LYRM4: variants seen among roughly 807,000 people sequenced by gnomAD.
The protein encoded by LYRM4 is LYR motif-containing protein 4.
In LYRM4, 9 loss-of-function variants were observed where a neutral mutation model predicts 11.7. The ratio of observed to expected loss-of-function variants is 0.77; its 90% confidence interval spans 0.46 to 1.34. LYRM4 has a LOEUF of 1.34. Ranked by LOEUF, LYRM4 falls within the 40% of genes most tolerant of loss-of-function variation. LYRM4 has a pLI of 0.00. For synonymous variants in LYRM4, 42 were observed against 40.4 expected (o/e 1.04, Z -0.15); for missense variants, 133 against 112.5 (o/e 1.18, Z -0.82).
intron 2 of LYRM4, among the ~76,000 whole-genome samples, chr6:5,155,350 G>T (rs1758351496): frequency 6.6e-6 from 1 of 152,146 alleles, no homozygotes; most frequent in African/African-American, 2.4e-5. Flanking sequence ...CATTGTGGTG[G>T]GATTACAGGT....
intron 2 of LYRM4, among the ~76,000 whole-genome samples, chr6:5,155,321 T>G (rs761239056): frequency 6.6e-6 from 1 of 152,188 alleles, no homozygotes; most frequent in Non-Finnish European, 1.5e-5. Flanking sequence ...CCTCAAGTGA[T>G]CTGCCTGCCT....
intron 1 of LYRM4, 139 bp downstream of exon 1, chr6:5,260,509 G>C: frequency 8.5e-7 from 1 of 1,180,732 alleles, no homozygotes; most frequent in Non-Finnish European, 1.2e-6. Context: ...GCTTTTCGAT[G>C]GCGGAGCCCG....
At position 5,165,170 on chromosome 6, in the gene LYRM4, A is replaced by C. The variant is rs59129525; in HGVS notation, c.207+51448T>G. ...TACTAGTTGAGAAAATGGAGAAATA[A>C]AAGTTACACCATATTCCCAGTTTCA... On this transcript the variant is annotated intron_variant, in intron 2 of 2. Transcript: ENST00000330636. Among the ~76,000 whole-genome samples, 274 of 152,330 alleles carry C rather than the reference A, an allele frequency of 1.8e-3. 6 individuals are homozygous for C. The highest frequency in any genetic ancestry group is 6.4e-3 in the African/African-American group (265 of 41,564).
the LYRM4 span, among the ~76,000 whole-genome samples, chr6:5,096,355 T>C: frequency 6.6e-6 from 1 of 152,112 alleles, no homozygotes; most frequent in Admixed American, 6.6e-5. Flanking sequence ...CTGGTTGTAG[T>C]GGCGCACACC....
intron 1 of LYRM4, among the ~76,000 whole-genome samples, chr6:5,245,114 ATATATATATATATATAT>A (rs1191194976): frequency 1.0e-3 from 12 of 12,034 alleles, no homozygotes; most frequent in African/African-American, 1.8e-3. Flanking sequence ...AAAAAAAAAA[ATATATATATATATATAT>A]ATATATATAT....
intron 2 of LYRM4, among the ~76,000 whole-genome samples, chr6:5,186,426 G>C (rs1005595599): frequency 1.3e-5 from 2 of 152,142 alleles, no homozygotes; most frequent in Admixed American, 6.5e-5. Flanking sequence ...CTTGCGTTCT[G>C]GTGTGTTGGA....
At chr6:5,201,970 T>C (rs1761417868) in intron 2 of LYRM4, among the ~76,000 whole-genome samples, 1 of 152,108 alleles carries the variant, frequency 6.6e-6, no homozygotes, top group African/African-American at 2.4e-5. Flanking sequence ...AGTTTCCTCA[T>C]CTGCAAAATA....
At position 5,126,433 on chromosome 6, in the gene LYRM4, A is replaced by C. The variant is rs144931968; in HGVS notation, c.208-16942T>G. Among the ~76,000 whole-genome samples the C allele has an allele frequency of 9.4e-3, 1,427 of 152,318 alleles. 8 individuals are homozygous for C. The highest frequency in any genetic ancestry group is 0.013 in the Non-Finnish European group (867 of 68,024). On this transcript the variant is annotated intron_variant, in intron 2 of 2. Transcript: ENST00000330636. ...CAGCAGGCAGATAACAGCCCAGAGA[A>C]ATGCATGAAAAAGCAACTGAAGTAC...
chr6:5,034,892 G>A, the LYRM4 span, among the ~76,000 whole-genome samples: 1 of 151,656 alleles, frequency 6.6e-6, no homozygotes, highest in Admixed American at 6.6e-5. Flanking sequence ...GTGATACAAT[G>A]TGAAAAAGGT....
In LYRM4 at chr6:5,155,434, G is replaced by A. The variant is rs1019125188; in HGVS notation, c.208-45943C>T. 3.9e-5 allele frequency among the ~76,000 whole-genome samples: 6 copies of A among 152,246 alleles called. No individual in the cohort carries two copies. In the East Asian group the frequency reaches 1.2e-3, roughly 29 times the overall value. ...AGAAACAGGACAGTTTTCAGAGTCC[G>A]TCTTTACTAGGCTACTAGGCAATTC... On this transcript the variant is annotated intron_variant, in intron 2 of 2. Coordinates refer to ENST00000330636, the MANE Select transcript of LYRM4 (RefSeq NM_020408.6).
chr6:5,197,260 T>A (rs57745369), intron 2 of LYRM4, among the ~76,000 whole-genome samples: 2,229 of 152,300 alleles, frequency 0.015, 55 homozygotes, highest in African/African-American at 0.051. Context: ...TTCAAGACTA[T>A]GACACACTGA....
At chr6:5,246,566 AG>A (rs1325550037) in intron 1 of LYRM4, among the ~76,000 whole-genome samples, 2 of 152,190 alleles carry the variant, frequency 1.3e-5, no homozygotes, top group Non-Finnish European at 2.9e-5. Flanking sequence ...GGCAGGGTGC[AG>A]GGGGGACTGA....
intron 1 of LYRM4, 26 bp from the exon 2 acceptor site, chr6:5,216,764 G>T: frequency 6.2e-7 from 1 of 1,603,712 alleles, no homozygotes; most frequent in South Asian, 1.1e-5. Context: ...GGAAAAAAAA[G>T]AAAAGGTGTC....
the LYRM4 span, among the ~76,000 whole-genome samples, chr6:5,040,193 C>T: frequency 6.6e-6 from 1 of 151,460 alleles, no homozygotes; most frequent in African/African-American, 2.4e-5. Context: ...GTGGCGCACG[C>T]CTGTAGTCCC....
intron 2 of LYRM4, among the ~76,000 whole-genome samples, chr6:5,188,949 A>T (rs970906546): frequency 1.3e-5 from 2 of 152,064 alleles, no homozygotes; most frequent in African/African-American, 4.8e-5. Context: ...TTGTAGAGAC[A>T]GGGGTTTCAC....
intron 2 of LYRM4, among the ~76,000 whole-genome samples, chr6:5,157,710 A>G (rs1248911651): frequency 2.0e-5 from 3 of 152,242 alleles, no homozygotes; most frequent in African/African-American, 2.4e-5. Flanking sequence ...CGAGATCAAC[A>G]TATTAGTCCA....
intron 1 of LYRM4, among the ~76,000 whole-genome samples, chr6:5,244,196 T>C (rs1764037390): frequency 6.6e-6 from 1 of 152,244 alleles, no homozygotes; most frequent in African/African-American, 2.4e-5. Context: ...CATGAAATAT[T>C]CAATACTTTA....
chr6:5,219,317 C>T (rs1449634711), intron 1 of LYRM4, among the ~76,000 whole-genome samples: 1 of 152,170 alleles, frequency 6.6e-6, no homozygotes, highest in African/African-American at 2.4e-5. Flanking sequence ...TTGTTTGTCT[C>T]CCCAGCTCTC....
At chr6:5,241,725 G>A (rs1763891016) in intron 1 of LYRM4, among the ~76,000 whole-genome samples, 1 of 152,272 alleles carries the variant, frequency 6.6e-6, no homozygotes, top group African/African-American at 2.4e-5. Context: ...GTTACACGGT[G>A]GAAGCTCAGT....
Sources: allele counts gnomAD v4.1 joint callset (sites outside exome capture counted in the v4.1 genomes callset), GRCh38; gene constraint gnomAD v4.1.1; transcripts MANE v1.5; gene names NCBI Gene and HGNC (gene_info 2026-07-23, HGNC 2026-07-21).